Variants in ZNF722 observed in about 807,000 individuals in gnomAD.
ZNF722 encodes zinc finger protein 479 pseudogene.
At chr7:64,010,180 G>T in the ZNF722 span, among the ~76,000 whole-genome samples, 6 of 151,740 alleles carry the variant, frequency 4.0e-5, no homozygotes, top group Non-Finnish European at 8.8e-5. Flanking sequence ...TTGGTGATCT[G>T]TTCAAAAAGC....
the ZNF722 span, among the ~76,000 whole-genome samples, chr7:64,018,074 T>C: frequency 6.6e-6 from 1 of 152,196 alleles, no homozygotes; most frequent in South Asian, 2.1e-4. Context: ...GTTTTTAATG[T>C]GTTAAAACTA....
the ZNF722 span, among the ~76,000 whole-genome samples, chr7:64,011,937 T>C: frequency 6.6e-6 from 1 of 152,310 alleles, no homozygotes; most frequent in African/African-American, 2.4e-5. Context: ...TCTTGGAGGC[T>C]TTGTTCATTT....
the ZNF722 span, chr7:64,006,393 T>C: frequency 9.7e-7 from 1 of 1,031,618 alleles, no homozygotes; most frequent in Non-Finnish European, 1.4e-6. Flanking sequence ...GTCCTTGAAA[T>C]GTGGTCTGGG....
At chr7:64,006,872 G>C in the ZNF722 span, among the ~76,000 whole-genome samples, 4 of 151,356 alleles carry the variant, frequency 2.6e-5, no homozygotes, top group Non-Finnish European at 5.9e-5. Flanking sequence ...TATGATACTT[G>C]CTGTGGGGGG....
the ZNF722 span, among the ~76,000 whole-genome samples, chr7:64,010,368 T>C: frequency 6.6e-6 from 1 of 152,218 alleles, no homozygotes; most frequent in African/African-American, 2.4e-5. Flanking sequence ...CTGCTTTCTC[T>C]TGTGGGCATT....
chr7:64,006,577 C>G, the ZNF722 span, among the ~76,000 whole-genome samples: 1 of 152,168 alleles, frequency 6.6e-6, no homozygotes, highest in African/African-American at 2.4e-5. Flanking sequence ...TATGGCTTAT[C>G]AGGGACTGCA....
the ZNF722 span, among the ~76,000 whole-genome samples, chr7:64,002,712 C>G: frequency 6.6e-6 from 1 of 152,142 alleles, no homozygotes; most frequent in East Asian, 1.9e-4. Flanking sequence ...GTGACATGCT[C>G]CAGAGCACAT....
the ZNF722 span, chr7:64,005,606 T>C: frequency 2.7e-6 from 3 of 1,115,550 alleles, no homozygotes; most frequent in Admixed American, 1.9e-5. Context: ...TTTTTGTTTT[T>C]TTCAGAGACT....
At chr7:64,010,492 C>T in the ZNF722 span, among the ~76,000 whole-genome samples, 5 of 152,038 alleles carry the variant, frequency 3.3e-5, no homozygotes, top group South Asian at 2.1e-4. Flanking sequence ...GCCTTCATTT[C>T]GTTATGTACC....
At chr7:64,000,436 CTTTTTTTTTTTTTTTTTTT>C in the ZNF722 span, among the ~76,000 whole-genome samples, 5 of 23,690 alleles carry the variant, frequency 2.1e-4, no homozygotes, top group Non-Finnish European at 2.7e-4. Flanking sequence ...CATGCCCGGC[CTTTTTTTTTTTTTTTTTTT>C]TTTTTTTTTT....
At chr7:64,006,957 T>G in the ZNF722 span, among the ~76,000 whole-genome samples, 1 of 151,870 alleles carries the variant, frequency 6.6e-6, no homozygotes, top group Non-Finnish European at 1.5e-5. Context: ...ATAAATGGTG[T>G]TGCTGTATTA....
the ZNF722 span, among the ~76,000 whole-genome samples, chr7:64,013,361 G>A: frequency 6.6e-6 from 1 of 151,806 alleles, no homozygotes; most frequent in Non-Finnish European, 1.5e-5. Context: ...TAGATTCCTA[G>A]TAAATGGACT....
At chr7:64,005,250 G>A in the ZNF722 span, among the ~76,000 whole-genome samples, 150 of 152,112 alleles carry the variant, frequency 9.9e-4, no homozygotes, top group Non-Finnish European at 1.7e-3. Context: ...ACTGAGCCAA[G>A]ATCATGCCAC....
chr7:64,013,053 T>G, the ZNF722 span, among the ~76,000 whole-genome samples: 1,024 of 152,264 alleles, frequency 6.7e-3, 16 homozygotes, highest in African/African-American at 0.023. Flanking sequence ...TATACTTCTT[T>G]TACAGTCTAC....
chr7:64,014,847 CA>C, the ZNF722 span, among the ~76,000 whole-genome samples: 1 of 152,146 alleles, frequency 6.6e-6, no homozygotes, highest in Non-Finnish European at 1.5e-5. Context: ...AAATTTCCAA[CA>C]AAGGTATTTT....
the ZNF722 span, among the ~76,000 whole-genome samples, chr7:64,010,630 T>C: frequency 6.6e-6 from 1 of 152,210 alleles, no homozygotes; most frequent in Admixed American, 6.5e-5. Context: ...ATTTCTGTTC[T>C]TTTACATTTG....
At chr7:64,004,421 A>ATATATATAT in the ZNF722 span, among the ~76,000 whole-genome samples, 6 of 69,434 alleles carry the variant, frequency 8.6e-5, no homozygotes, top group African/African-American at 3.3e-4. Context: ...AAAAAAAAAA[A>ATATATATAT]AAAAATATAT....
chr7:64,014,470 C>A, the ZNF722 span, among the ~76,000 whole-genome samples: 1 of 152,094 alleles, frequency 6.6e-6, no homozygotes, highest in Non-Finnish European at 1.5e-5. Context: ...CTTTATAATG[C>A]AGCTCTTTTC....
the ZNF722 span, among the ~76,000 whole-genome samples, chr7:64,005,198 C>T: frequency 1.3e-5 from 2 of 151,996 alleles, no homozygotes; most frequent in African/African-American, 4.8e-5. Context: ...ACTTGGGAGG[C>T]TGAGGCAGGA....
Sources: allele counts gnomAD v4.1 joint callset (sites outside exome capture counted in the v4.1 genomes callset), GRCh38; gene constraint gnomAD v4.1.1; transcripts MANE v1.5; gene names NCBI Gene and HGNC (gene_info 2026-07-23, HGNC 2026-07-21).